The following CTNND2 variants were observed in gnomAD, a reference collection of about 807,000 sequenced individuals.
The protein encoded by CTNND2 is catenin delta-2.
CTNND2 carries 22 observed loss-of-function variants against 144.4 expected under a neutral mutation model. The observed-to-expected ratio is 0.15, with a 90% CI of 0.11 to 0.22. The LOEUF (loss-of-function observed/expected upper bound fraction) is 0.22. CTNND2 is among the 10% of genes least tolerant of loss of function. CTNND2 has a pLI of 1.00. For missense variants in CTNND2, 1,353 were observed against 1,618.8 expected (o/e 0.84, Z 2.82); for synonymous variants, 751 against 695.6 (o/e 1.08, Z -1.25).
At chr5:11,470,317 C>T (rs912200916) in intron 3 of CTNND2, among the ~76,000 whole-genome samples, 9 of 151,968 alleles carry the variant, frequency 5.9e-5, no homozygotes, top group Non-Finnish European at 1.3e-4. Flanking sequence ...GCCTGTAATC[C>T]CAGCTACTCG....
chr5:11,286,655 C>T (rs1747788833), intron 9 of CTNND2, among the ~76,000 whole-genome samples: 1 of 152,148 alleles, frequency 6.6e-6, no homozygotes, highest in Non-Finnish European at 1.5e-5. Context: ...AAACAACCAA[C>T]CCATCAAACT....
chr5:11,615,250 C>A (rs72734929), intron 2 of CTNND2, among the ~76,000 whole-genome samples: 2 of 152,052 alleles, frequency 1.3e-5, no homozygotes, highest in Non-Finnish European at 2.9e-5. Flanking sequence ...TGGCAAAAAC[C>A]GCAATTACTT....
At chr5:11,486,318 T>A (rs1278078485) in intron 3 of CTNND2, among the ~76,000 whole-genome samples, 1 of 152,170 alleles carries the variant, frequency 6.6e-6, no homozygotes, top group Non-Finnish European at 1.5e-5. Context: ...TAGGTGATAA[T>A]ATCCAGTAGA....
chr5:11,576,375 T>G (rs188000537), intron 2 of CTNND2, among the ~76,000 whole-genome samples: 1 of 150,738 alleles, frequency 6.6e-6, no homozygotes, highest in East Asian at 1.9e-4. Flanking sequence ...ATATAAAATA[T>G]AGTTAAATTA....
intron 10 of CTNND2, among the ~76,000 whole-genome samples, chr5:11,201,130 T>C (rs1182405255): frequency 6.6e-6 from 1 of 152,242 alleles, no homozygotes; most frequent in Non-Finnish European, 1.5e-5. Flanking sequence ...GGATTTGTCA[T>C]GTTCTAACTT....
intron 11 of CTNND2, among the ~76,000 whole-genome samples, chr5:11,162,377 T>C (rs144228061): frequency 3.5e-4 from 53 of 152,280 alleles, no homozygotes; most frequent in African/African-American, 1.3e-3. Context: ...GAAAGGCAGA[T>C]GCAGTCTGGA....
At chr5:11,645,002 A>G (rs1459788034) in intron 2 of CTNND2, among the ~76,000 whole-genome samples, 1 of 152,124 alleles carries the variant, frequency 6.6e-6, no homozygotes, top group Non-Finnish European at 1.5e-5. Context: ...TCACTCTGTC[A>G]CCCAGGCTAG....
intron 2 of CTNND2, among the ~76,000 whole-genome samples, chr5:11,581,815 A>G (rs1410547653): frequency 1.3e-5 from 2 of 152,232 alleles, no homozygotes; most frequent in Non-Finnish European, 2.9e-5. Flanking sequence ...TCAGCGATGC[A>G]GCTTAGCTAG....
chr5:11,329,510 C>T (rs1463538755), intron 9 of CTNND2, among the ~76,000 whole-genome samples: 2 of 152,126 alleles, frequency 1.3e-5, no homozygotes, highest in Non-Finnish European at 2.9e-5. Flanking sequence ...TTCTGAGGTA[C>T]TGGGGGGTTG....
chr5:11,273,300 T>C (rs901139782), intron 9 of CTNND2, among the ~76,000 whole-genome samples: 1 of 152,164 alleles, frequency 6.6e-6, no homozygotes, highest in African/African-American at 2.4e-5. Context: ...GTGATCTGGT[T>C]CTCAACCTCA....
At chr5:11,379,180 G>T (rs948355400) in intron 7 of CTNND2, among the ~76,000 whole-genome samples, 2 of 152,200 alleles carry the variant, frequency 1.3e-5, no homozygotes, top group African/African-American at 4.8e-5. Context: ...TACTGGTGAA[G>T]TTACAATCAC....
At chr5:11,675,020 T>C (rs964110242) in intron 2 of CTNND2, among the ~76,000 whole-genome samples, 2 of 152,270 alleles carry the variant, frequency 1.3e-5, no homozygotes, top group East Asian at 1.9e-4. Flanking sequence ...TTCTTTCCAA[T>C]GGGGTTATTG....
intron 18 of CTNND2, among the ~76,000 whole-genome samples, chr5:10,998,788 T>G (rs1470071833): frequency 6.6e-6 from 1 of 152,270 alleles, no homozygotes; most frequent in Non-Finnish European, 1.5e-5. Context: ...GCACATTGTA[T>G]TAACATTACA....
intron 3 of CTNND2, among the ~76,000 whole-genome samples, chr5:11,422,867 A>G (rs556682481): frequency 6.6e-6 from 1 of 152,342 alleles, no homozygotes; most frequent in East Asian, 1.9e-4. Flanking sequence ...ATAAAATTCA[A>G]TATCAGAAGC....
chr5:11,505,090 T>A (rs1561487430), intron 3 of CTNND2, among the ~76,000 whole-genome samples: 2 of 152,108 alleles, frequency 1.3e-5, no homozygotes. Flanking sequence ...ATATTTCTGT[T>A]AAAAGAGTTG....
intron 3 of CTNND2, among the ~76,000 whole-genome samples, chr5:11,422,152 T>C (rs555349390): frequency 2.6e-5 from 4 of 152,278 alleles, no homozygotes; most frequent in Admixed American, 6.5e-5. Flanking sequence ...TGTCTATACC[T>C]GGGGACCAAT....
At chr5:11,004,783 A>C (rs568395484) in intron 18 of CTNND2, among the ~76,000 whole-genome samples, 1 of 151,960 alleles carries the variant, frequency 6.6e-6, no homozygotes, top group Non-Finnish European at 1.5e-5. Flanking sequence ...AAAAAAAAAA[A>C]AAAAAAAGAA....
chr5:11,647,771 G>T (rs540759126), intron 2 of CTNND2, among the ~76,000 whole-genome samples: 1 of 151,854 alleles, frequency 6.6e-6, no homozygotes, highest in South Asian at 2.1e-4. Flanking sequence ...ACCTTCTCAC[G>T]GGCATCCCAT....
chr5:11,683,912 G>A (rs1383186165), intron 2 of CTNND2, among the ~76,000 whole-genome samples: 1 of 152,102 alleles, frequency 6.6e-6, no homozygotes, highest in Admixed American at 6.5e-5. Flanking sequence ...GAAGGGTTTT[G>A]AGGAAATAAA....
Sources: allele counts gnomAD v4.1 joint callset (sites outside exome capture counted in the v4.1 genomes callset), GRCh38; gene constraint gnomAD v4.1.1; transcripts MANE v1.5; gene names NCBI Gene and HGNC (gene_info 2026-07-23, HGNC 2026-07-21).